TESMIN: variants seen among roughly 807,000 people sequenced by gnomAD.
The protein encoded by TESMIN is CXC domain containing 2.
Under a neutral mutation model 47.4 loss-of-function variants are expected in TESMIN, and 34 were observed. The ratio of observed to expected loss-of-function variants is 0.72; its 90% CI spans 0.55 to 0.96. The LOEUF is 0.96. Ranked by LOEUF, TESMIN falls within the 40% of genes least tolerant of loss-of-function variation. TESMIN has a pLI of 0.00. For missense variants in TESMIN, 610 were observed against 637.2 expected (o/e 0.96, Z 0.46); for synonymous variants, 278 against 258.9 (o/e 1.07, Z -0.71).
chr11:68,737,578 G>A, intron 6 of TESMIN: 1 of 985,582 alleles, frequency 1.0e-6, no homozygotes, highest in Non-Finnish European at 1.2e-6. Context: ...TTTGACTGCT[G>A]TCTCTCAGGC....
intron 9 of TESMIN, chr11:68,710,582 C>T: frequency 2.8e-6 from 1 of 355,400 alleles, no homozygotes; most frequent in South Asian, 6.6e-5. Context: ...GCTAGCCCTG[C>T]TGGTGATCCT....
intron 6 of TESMIN, among the ~76,000 whole-genome samples, chr11:68,722,350 C>T (rs960794982): frequency 5.3e-5 from 8 of 151,980 alleles, no homozygotes; most frequent in African/African-American, 1.5e-4. Flanking sequence ...ATGGTGGTTG[C>T]GCAACACTGT....
intron 6 of TESMIN, among the ~76,000 whole-genome samples, chr11:68,726,056 G>T (rs1317468561): frequency 1.3e-5 from 2 of 152,052 alleles, no homozygotes; most frequent in Non-Finnish European, 2.9e-5. Context: ...CCCTAACTGT[G>T]GCAAACACTT....
rs374808803 is a variant in TESMIN, at chr11:68,717,006, C to T, written c.918-1067G>A. On this transcript the variant is annotated intron_variant, in intron 6 of 9. Coordinates refer to ENST00000255087, the MANE Select transcript of TESMIN (RefSeq NM_004923.3). ...GCTGTAGAGTGGGAATCGTGGTGCT[C>T]AGCCTCCCAGTCCCAAAGCGCTGCT... Among the ~76,000 whole-genome samples, 133 of 152,280 alleles carry T rather than the reference C, an allele frequency of 8.7e-4. 3 individuals carry two copies. In the South Asian group the frequency reaches 0.027, roughly 30 times the overall value.
At chr11:68,736,599 C>A (rs934144591) in intron 6 of TESMIN, 42 of 985,218 alleles carry the variant, frequency 4.3e-5, no homozygotes, top group Non-Finnish European at 4.7e-5. Flanking sequence ...AGTGGAGAGG[C>A]ATTGGATTAA....
At chr11:68,731,759 C>T (rs551535657) in intron 6 of TESMIN, among the ~76,000 whole-genome samples, 26 of 152,296 alleles carry the variant, frequency 1.7e-4, no homozygotes, top group Middle Eastern at 3.4e-3. Flanking sequence ...GACACCAGCA[C>T]GAGGTCAGGG....
intron 5 of TESMIN, among the ~76,000 whole-genome samples, chr11:68,739,784 C>T (rs1023728323): frequency 9.8e-5 from 15 of 152,308 alleles, no homozygotes; most frequent in Non-Finnish European, 2.2e-4. Context: ...AGGGAGTGCT[C>T]ACAAGGCCCT....
At chr11:68,711,244 T>G (rs140045122) in intron 8 of TESMIN, among the ~76,000 whole-genome samples, 195 bp from the exon 9 acceptor site, 125 of 150,548 alleles carry the variant, frequency 8.3e-4, no homozygotes, top group African/African-American at 2.1e-3. Flanking sequence ...TGAGTGTGTG[T>G]GGGGTGTGTG....
chr11:68,741,127 C>T (rs563289599), intron 5 of TESMIN, among the ~76,000 whole-genome samples: 9 of 152,290 alleles, frequency 5.9e-5, no homozygotes, highest in Admixed American at 1.3e-4. Context: ...CATCTCTCCC[C>T]GAGATTATTG....
At chr11:68,734,345 G>T (rs1004194854) in intron 6 of TESMIN, among the ~76,000 whole-genome samples, 2 of 152,170 alleles carry the variant, frequency 1.3e-5, no homozygotes, top group Non-Finnish European at 2.9e-5. Context: ...GTGTCTCTGG[G>T]TGTTGCTAAA....
chr11:68,721,909 C>T (rs1468663365), intron 6 of TESMIN, among the ~76,000 whole-genome samples: 2 of 152,144 alleles, frequency 1.3e-5, no homozygotes, highest in Non-Finnish European at 2.9e-5. Context: ...GGTATGGCCA[C>T]TATGGAAAGA....
intron 6 of TESMIN, among the ~76,000 whole-genome samples, chr11:68,716,615 A>T (rs1200530957): frequency 2.6e-5 from 4 of 152,166 alleles, no homozygotes; most frequent in African/African-American, 9.7e-5. Flanking sequence ...AGTGCTGTGG[A>T]TTGGCTCTGA....
chr11:68,728,022 T>G (rs1400662414), intron 6 of TESMIN, among the ~76,000 whole-genome samples: 1 of 152,188 alleles, frequency 6.6e-6, no homozygotes, highest in East Asian at 1.9e-4. Context: ...TCCCTGTCTC[T>G]CTCCCTGTCC....
At chr11:68,741,154 G>A (rs960498205) in intron 5 of TESMIN, among the ~76,000 whole-genome samples, 4 of 151,724 alleles carry the variant, frequency 2.6e-5, no homozygotes, top group African/African-American at 4.8e-5. Context: ...CAGGCTCACC[G>A]TTCTCCTTGA....
chr11:68,732,351 C>G (rs1415982864), intron 6 of TESMIN, among the ~76,000 whole-genome samples: 1 of 152,236 alleles, frequency 6.6e-6, no homozygotes, highest in Non-Finnish European at 1.5e-5. Context: ...TCAAGTTAAG[C>G]CTTTCTTAGA....
chr11:68,744,830 T>TA, intron 4 of TESMIN, 161 bp downstream of exon 4: 1 of 556,436 alleles, frequency 1.8e-6, no homozygotes, highest in Non-Finnish European at 3.0e-6. Flanking sequence ...AGTCTATAGA[T>TA]ATACATTTTT....
At chr11:68,708,758 C>CTTT (rs33995694) in intron 9 of TESMIN, among the ~76,000 whole-genome samples, 5 of 145,912 alleles carry the variant, frequency 3.4e-5, no homozygotes, top group Non-Finnish European at 6.0e-5. Flanking sequence ...AAGTGAGACC[C>CTTT]TTTTTTTTTT....
downstream of TESMIN, among the ~76,000 whole-genome samples, chr11:68,706,929 T>C (rs1946003890): frequency 6.6e-6 from 1 of 152,120 alleles, no homozygotes; most frequent in Non-Finnish European, 1.5e-5. Flanking sequence ...CCAGGTCACC[T>C]TCCAGCTCCC....
rs182382041 is a variant in TESMIN at position 68,717,867 on chromosome 11, A to G, written c.918-1928T>C. Among the ~76,000 whole-genome samples, 19 of 152,290 alleles carry G rather than the reference A, an allele frequency of 1.2e-4. No homozygotes were observed. In the East Asian group the frequency reaches 2.3e-3, roughly 19 times the overall value. ...AAACCATTGGGCGTGGGATATGATA[A>G]TGAACAAATCCAAGAAAAGTGATTG... On this transcript the variant is annotated intron_variant, in intron 6 of 9. Transcript: ENST00000255087.
Sources: allele counts gnomAD v4.1 joint callset (sites outside exome capture counted in the v4.1 genomes callset), GRCh38; gene constraint gnomAD v4.1.1; transcripts MANE v1.5; gene names NCBI Gene and HGNC (gene_info 2026-07-23, HGNC 2026-07-21).